The following PRDM5 variants were observed in gnomAD, a reference collection of about 807,000 sequenced individuals.
PRDM5 encodes the protein PR domain zinc finger protein 5.
Under a neutral mutation model 81.2 loss-of-function variants are expected in PRDM5, and 56 were observed. The ratio of observed to expected loss-of-function variants is 0.69; its 90% CI spans 0.56 to 0.86. PRDM5 has a LOEUF of 0.86. Among genes scored for constraint, PRDM5 ranks in the 40% least tolerant of loss-of-function variants. PRDM5 has a pLI of 0.00. For missense variants in PRDM5, 697 were observed against 770.1 expected (o/e 0.91, Z 1.12); for synonymous variants, 267 against 256.4 (o/e 1.04, Z -0.39).
chr4:120,893,054 G>A (rs1330356297), intron 2 of PRDM5, among the ~76,000 whole-genome samples: 1 of 152,204 alleles, frequency 6.6e-6, no homozygotes, highest in African/African-American at 2.4e-5. Flanking sequence ...GTCTGCTCCA[G>A]GACCCGAGGT....
chr4:120,708,084 C>T (rs903721035), intron 15 of PRDM5, among the ~76,000 whole-genome samples: 1 of 152,064 alleles, frequency 6.6e-6, no homozygotes. Flanking sequence ...CTAAGGAAAA[C>T]AGTATGTCAG....
intron 7 of PRDM5, among the ~76,000 whole-genome samples, chr4:120,815,581 T>A (rs1026748454): frequency 6.6e-6 from 1 of 152,220 alleles, no homozygotes; most frequent in African/African-American, 2.4e-5. Context: ...CAGATTATCA[T>A]CTTCTCCTGA....
chr4:120,689,877 A>T (rs904577437), downstream of PRDM5, among the ~76,000 whole-genome samples: 3 of 152,128 alleles, frequency 2.0e-5, no homozygotes, highest in Non-Finnish European at 4.4e-5. Flanking sequence ...GGCCTCCCAA[A>T]GTGCTGGGAA....
chr4:120,794,064 C>G (rs903391838), intron 10 of PRDM5, among the ~76,000 whole-genome samples: 5 of 152,186 alleles, frequency 3.3e-5, no homozygotes, highest in Admixed American at 2.0e-4. Context: ...AGATAATGAC[C>G]TGTATCTGTG....
chr4:120,750,730 AACAG>A (rs1743883911), intron 14 of PRDM5, among the ~76,000 whole-genome samples: 1 of 151,412 alleles, frequency 6.6e-6, no homozygotes, highest in Non-Finnish European at 1.5e-5. Context: ...GCGCACACAA[AACAG>A]ACATTCAATC....
At chr4:120,861,299 T>C (rs913542065) in intron 2 of PRDM5, among the ~76,000 whole-genome samples, 1 of 152,168 alleles carries the variant, frequency 6.6e-6, no homozygotes, top group Non-Finnish European at 1.5e-5. Context: ...TGAGCTATCA[T>C]GACCAGCCTG....
At chr4:120,734,543 G>A (rs1167172525) in intron 14 of PRDM5, among the ~76,000 whole-genome samples, 1 of 152,006 alleles carries the variant, frequency 6.6e-6, no homozygotes, top group Non-Finnish European at 1.5e-5. Flanking sequence ...TCTGGAATAT[G>A]GTTATATGTA....
intron 14 of PRDM5, among the ~76,000 whole-genome samples, chr4:120,732,599 C>A (rs1330227557): frequency 2.0e-4 from 1 of 5,106 alleles, no homozygotes; most frequent in African/African-American, 3.2e-4. Flanking sequence ...GGTTACTTCA[C>A]AATAAAATTT....
chr4:120,790,489 G>T (rs2149262538), intron 10 of PRDM5, among the ~76,000 whole-genome samples: 1 of 152,230 alleles, frequency 6.6e-6, no homozygotes, highest in Non-Finnish European at 1.5e-5. Flanking sequence ...AGCTCCTCTA[G>T]TAGATAACTT....
intron 12 of PRDM5, among the ~76,000 whole-genome samples, chr4:120,778,533 G>A (rs867133429): frequency 2.6e-5 from 4 of 151,960 alleles, no homozygotes; most frequent in East Asian, 1.9e-4. Flanking sequence ...TTTAATTAGC[G>A]AATTTGCATT....
intron 14 of PRDM5, among the ~76,000 whole-genome samples, chr4:120,732,435 A>C (rs1162631863): frequency 6.6e-6 from 1 of 152,144 alleles, no homozygotes; most frequent in African/African-American, 2.4e-5. Context: ...CAAGATCTCC[A>C]ATTTTACAGA....
chr4:120,815,014 A>G (rs919371192), intron 7 of PRDM5, among the ~76,000 whole-genome samples: 1 of 152,244 alleles, frequency 6.6e-6, no homozygotes. Flanking sequence ...CATTGTGCTT[A>G]TAGCACAGCC....
chr4:120,835,289 AT>A (rs1292613069), intron 3 of PRDM5, among the ~76,000 whole-genome samples: 1 of 152,228 alleles, frequency 6.6e-6, no homozygotes, highest in African/African-American at 2.4e-5. Context: ...CTACTGAAGT[AT>A]ATAATAGAAA....
At chr4:120,808,498 C>T (rs1753329648) in intron 8 of PRDM5, among the ~76,000 whole-genome samples, 1 of 152,130 alleles carries the variant, frequency 6.6e-6, no homozygotes, top group Non-Finnish European at 1.5e-5. Context: ...CTTAGCTAGA[C>T]ATAAAGGTTC....
At chr4:120,690,660 G>C (rs1393732397), downstream of PRDM5, among the ~76,000 whole-genome samples, 2 of 151,982 alleles carry the variant, frequency 1.3e-5, no homozygotes, top group African/African-American at 4.8e-5. Flanking sequence ...AAATAGTAAT[G>C]GAGTGATTCA....
At chr4:120,710,167 C>A in intron 15 of PRDM5, 142 bp downstream of exon 15, 2 of 720,036 alleles carry the variant, frequency 2.8e-6, no homozygotes. Context: ...CTATAAATAG[C>A]ATAAGACATT....
At chr4:120,709,504 C>T (rs926170239) in intron 15 of PRDM5, among the ~76,000 whole-genome samples, 3 of 152,094 alleles carry the variant, frequency 2.0e-5, no homozygotes, top group Non-Finnish European at 4.4e-5. Flanking sequence ...TGTGAGTTTC[C>T]TTTCATATGG....
At chr4:120,705,675 A>G (rs1172210153) in intron 15 of PRDM5, among the ~76,000 whole-genome samples, 1 of 152,138 alleles carries the variant, frequency 6.6e-6, no homozygotes. Flanking sequence ...TTCACTCTAA[A>G]TGAGATGCAC....
chr4:120,766,928 A>G (rs896204748), intron 13 of PRDM5, among the ~76,000 whole-genome samples: 13 of 152,234 alleles, frequency 8.5e-5, no homozygotes, highest in African/African-American at 3.1e-4. Flanking sequence ...AGGTGGATAC[A>G]AGATTTATAA....
Sources: allele counts gnomAD v4.1 joint callset (sites outside exome capture counted in the v4.1 genomes callset), GRCh38; gene constraint gnomAD v4.1.1; transcripts MANE v1.5; gene names NCBI Gene and HGNC (gene_info 2026-07-23, HGNC 2026-07-21).